The following GAN variants were observed in gnomAD, a reference collection of about 807,000 sequenced individuals.
GAN encodes epididymis secretory sperm binding protein.
Under a neutral mutation model 71.3 loss-of-function variants are expected in GAN, and 48 were observed. That is an observed-to-expected ratio of 0.67 (90% CI 0.53 to 0.86). The LOEUF is 0.86. GAN is among the 40% of genes least tolerant of loss of function. The pLI, the probability that GAN is intolerant of heterozygous loss-of-function variation, is 0.00. For synonymous variants in GAN, 386 were observed against 276.8 expected (o/e 1.39, Z -3.92); for missense variants, 928 against 770.1 (o/e 1.21, Z -2.43).
chr16:81,315,090 G>A lies in GAN; in HGVS notation c.-24G>A, dbSNP rs1465938484. 6.8e-7 allele frequency: 1 copy of A among 1,467,942 alleles called. No homozygotes were observed. The highest frequency in any genetic ancestry group is 3.0e-5 in the East Asian group (1 of 33,364). 90.9% of individuals were successfully genotyped at this position (1,467,942 alleles called of 1,614,324 possible). ...CCGGACGGTGTCGGGAGCCGGACCC[G>A]TCGGCAGAGGAGCGGGCGCCGCGAT... is the stretch of plus-strand genomic sequence containing the variant. On this transcript the variant is annotated 5_prime_UTR_variant, in exon 1 of 11. Coordinates refer to ENST00000648994, the MANE Select transcript of GAN (RefSeq NM_022041.4).
At position 81,378,711 on chromosome 16, in the gene GAN, G is replaced by A. The variant is rs1904290666; in HGVS notation, c.*1115G>A. The A allele has an allele frequency of 6.5e-6, 1 of 152,750 alleles. No individual in the cohort carries two copies. The highest frequency in any genetic ancestry group is 1.9e-4 in the East Asian group (1 of 5,186). The allele number at this position is 152,750 out of a possible 1,614,324, so 9.5% of individuals were successfully genotyped here. The stretch of plus-strand genomic sequence containing the variant: ...GAGTTTTAGACAAATTATGTTACGA[G>A]TAAAGTTTGGCTGGTAGAATAAACT... On this transcript the variant is annotated 3_prime_UTR_variant, in exon 11 of 11. Coordinates refer to ENST00000648994, the MANE Select transcript of GAN (RefSeq NM_022041.4).
chr16:81,322,096 G>C (rs147547647), intron 1 of GAN, among the ~76,000 whole-genome samples: 1 of 152,248 alleles, frequency 6.6e-6, no homozygotes, highest in African/African-American at 2.4e-5. Context: ...ATAGAATGAT[G>C]GTCAGATGTT....
At position 81,381,226 on chromosome 16, in the gene GAN, C is replaced by A. The variant is rs1444597686; in HGVS notation, c.*3630C>A. Reference sequence around the variant, plus strand: ...TAGCTGCTGTGGTCCATTAGAGTTCCCTTTGGTACATTCCTACCTCAGTGT... The same window carrying A: ...TAGCTGCTGTGGTCCATTAGAGTTCACTTTGGTACATTCCTACCTCAGTGT... On this transcript the variant is annotated 3_prime_UTR_variant, in exon 11 of 11. Transcript: ENST00000648994. 1.3e-5 allele frequency: 2 copies of A among 152,114 alleles called. No homozygotes were observed. The highest frequency in any genetic ancestry group is 4.8e-5 in the African/African-American group (2 of 41,414). 9.4% of individuals were successfully genotyped at this position (152,114 alleles called of 1,614,324 possible). A position where few individuals can be genotyped will look rare whatever the true frequency, so the allele number is the denominator to read the frequency against.
intron 1 of GAN, among the ~76,000 whole-genome samples, chr16:81,322,091 A>G (rs993700445): frequency 3.9e-5 from 6 of 152,228 alleles, no homozygotes; most frequent in Admixed American, 2.6e-4. Flanking sequence ...TAGCCATAGA[A>G]TGATGGTCAG....
chr16:81,365,333 T>C lies in GAN; in HGVS notation c.1374-17T>C, dbSNP rs1300418350. On this transcript the variant is annotated splice_polypyrimidine_tract_variant and intron_variant, in intron 8 of 10. Transcript: ENST00000648994. Reference sequence around the variant, plus strand: ...TTGTACAGCTTGTGCCTGATAACGCTGTGTGTGGCCTTTCAGGTTTGGAGC... The same window carrying C: ...TTGTACAGCTTGTGCCTGATAACGCCGTGTGTGGCCTTTCAGGTTTGGAGC... The C allele has an allele frequency of 6.2e-7, 1 of 1,613,782 alleles. No homozygotes were observed. The highest frequency in any genetic ancestry group is 8.5e-7 in the Non-Finnish European group (1 of 1,179,954).
rs563049431 is a variant in GAN, at chr16:81,365,024, C to T, written c.1287C>T (p.Gly429=). The T allele has an allele frequency of 8.4e-5, 136 of 1,613,442 alleles. No homozygotes were observed. The South Asian group carries it at 9.2e-4, about 11-fold the overall frequency. ...MKKKIYAMGG[G]SYGKLFESVE... is the part of the protein sequence containing the mutation. ...AGAAAATCTACGCCATGGGTGGAGGCTCCTACGGAAAGCTTTTTGAGTCTG... is the reference window on the plus strand; with the variant it reads ...AGAAAATCTACGCCATGGGTGGAGGTTCCTACGGAAAGCTTTTTGAGTCTG... The change falls in exon 8 of 11, where the codon GGC becomes GGT. Residue 429 remains glycine, a synonymous_variant. Transcript: ENST00000648994.
At chr16:81,341,026 C>T (rs920821102) in intron 1 of GAN, among the ~76,000 whole-genome samples, 1 of 151,132 alleles carries the variant, frequency 6.6e-6, no homozygotes, top group Non-Finnish European at 1.5e-5. Flanking sequence ...TTCGATCAAG[C>T]AGAAGAAAGG....
chr16:81,348,124 G>A (rs1910181227), intron 1 of GAN, among the ~76,000 whole-genome samples: 2 of 152,144 alleles, frequency 1.3e-5, no homozygotes, highest in East Asian at 1.9e-4. Context: ...ATAGGCATGA[G>A]CCATGTGCTC....
At chr16:81,346,991 C>G (rs962382776) in intron 1 of GAN, among the ~76,000 whole-genome samples, 2 of 152,102 alleles carry the variant, frequency 1.3e-5, no homozygotes, top group African/African-American at 2.4e-5. Context: ...AGCTGAGAGG[C>G]TATATATGTT....
intron 1 of GAN, among the ~76,000 whole-genome samples, chr16:81,350,646 G>A (rs1910269717): frequency 6.6e-6 from 1 of 151,848 alleles, no homozygotes; most frequent in Admixed American, 6.6e-5. Context: ...CTCCTGAGCT[G>A]CTGGGATTGC....
intron 7 of GAN, 139 bp downstream of exon 7, chr16:81,364,082 G>GT: frequency 1.3e-6 from 1 of 772,682 alleles, no homozygotes; most frequent in Non-Finnish European, 2.3e-6. Flanking sequence ...TTTATCGGTA[G>GT]TTTGCCTTCA....
chr16:81,335,624 G>C (rs1353805966), intron 1 of GAN, among the ~76,000 whole-genome samples: 2 of 151,594 alleles, frequency 1.3e-5, no homozygotes, highest in Non-Finnish European at 1.5e-5. Context: ...GCGCACACTT[G>C]CAATCCCAGC....
intron 9 of GAN, among the ~76,000 whole-genome samples, chr16:81,371,067 G>A (rs1036085582): frequency 6.6e-6 from 1 of 152,096 alleles, no homozygotes. Context: ...GTTTGCTGCT[G>A]CTTTCTTTTG....
At chr16:81,316,191 T>C (rs1909033214) in intron 1 of GAN, among the ~76,000 whole-genome samples, 1 of 152,112 alleles carries the variant, frequency 6.6e-6, no homozygotes, top group Non-Finnish European at 1.5e-5. Context: ...GTTGCTGTTT[T>C]AATAAAAGGA....
intron 1 of GAN, among the ~76,000 whole-genome samples, chr16:81,340,942 C>T (rs1909921301): frequency 6.6e-6 from 1 of 151,734 alleles, no homozygotes; most frequent in Admixed American, 6.6e-5. Flanking sequence ...GTAGAGAAGA[C>T]CTTAAATGAC....
At chr16:81,352,664 G>T (rs1306943873) in intron 2 of GAN, among the ~76,000 whole-genome samples, 2 of 152,204 alleles carry the variant, frequency 1.3e-5, no homozygotes, top group African/African-American at 4.8e-5. Context: ...TCTGTCCAGA[G>T]TTAAACGCAG....
Position 81,315,141 on chromosome 16 carries a change from C to G in GAN, c.28C>G (p.Pro10Ala), listed in dbSNP as rs1005605682. Reference protein sequence around the residue: MAEGSAVSDPQHAARLLRAL... With the variant: MAEGSAVSDAQHAARLLRAL... ...GGCTGAGGGCAGTGCCGTGTCTGAC[C>G]CTCAGCACGCCGCGCGTCTGCTGCG... The change falls in exon 1 of 11, where the codon CCT becomes GCT. Residue 10 changes from proline to alanine, a missense_variant. Transcript: ENST00000648994. The G allele has an allele frequency of 7.2e-6, 11 of 1,535,982 alleles. No homozygotes were observed. The highest frequency in any genetic ancestry group is 1.4e-5 in the African/African-American group (1 of 70,146).
intron 1 of GAN, among the ~76,000 whole-genome samples, chr16:81,342,059 G>T (rs1399661283): frequency 6.6e-6 from 1 of 152,120 alleles, no homozygotes; most frequent in Non-Finnish European, 1.5e-5. Flanking sequence ...ATGGTAAAGG[G>T]ATCTATTCAA....
chr16:81,327,029 C>T (rs926928796), intron 1 of GAN, among the ~76,000 whole-genome samples: 1 of 152,178 alleles, frequency 6.6e-6, no homozygotes, highest in African/African-American at 2.4e-5. Flanking sequence ...GGCAAAGGGA[C>T]AGAATAAACC....
Sources: allele counts gnomAD v4.1 joint callset (sites outside exome capture counted in the v4.1 genomes callset), GRCh38; gene constraint gnomAD v4.1.1; transcripts MANE v1.5; gene names NCBI Gene and HGNC (gene_info 2026-07-23, HGNC 2026-07-21).